CPNE4: variants seen among roughly 807,000 people sequenced by gnomAD.
CPNE4 encodes the protein copine 4, also known as copine-4.
Under a neutral mutation model 67.9 loss-of-function variants are expected in CPNE4, and 25 were observed. The ratio of observed to expected loss-of-function variants is 0.37; its 90% CI spans 0.27 to 0.51. CPNE4 has a LOEUF of 0.51. Among genes scored for constraint, CPNE4 ranks in the 20% least tolerant of loss-of-function variants. The pLI is 0.93. For missense variants in CPNE4, 464 were observed against 690.8 expected (o/e 0.67, Z 3.68); for synonymous variants, 242 against 244.9 (o/e 0.99, Z 0.11).
At chr3:131,754,417 A>G (rs955919950) in intron 2 of CPNE4, among the ~76,000 whole-genome samples, 1 of 152,210 alleles carries the variant, frequency 6.6e-6, no homozygotes, top group African/African-American at 2.4e-5. Context: ...TGACAAGATC[A>G]CAATTATATA....
At position 131,991,580 on chromosome 3, in the gene CPNE4, G is replaced by A. The variant is rs1236856487; in HGVS notation, c.-2+42987C>T. Among the ~76,000 whole-genome samples the A allele has an allele frequency of 2.2e-5, 3 of 136,056 alleles. 1 individual carries two copies. The Admixed American group carries it at 2.5e-4, about 11-fold the overall frequency. The allele number at this position is 136,056 out of a possible 152,430, so 89.3% of individuals were successfully genotyped here. On this transcript the variant is annotated intron_variant, in intron 1 of 15. Coordinates refer to ENST00000429747, the MANE Select transcript of CPNE4 (RefSeq NM_130808.3). ...GTGGCAGAGCATTCAAGAGAAAGCA[G>A]AACATTAAAGTTTGGAAGATTTGCA...
chr3:131,572,548 G>C (rs115338390), intron 10 of CPNE4, among the ~76,000 whole-genome samples: 172 of 152,150 alleles, frequency 1.1e-3, no homozygotes, highest in African/African-American at 4.0e-3. Flanking sequence ...TGGAGAGCTT[G>C]GGTGGTGCAT....
intron 2 of CPNE4, among the ~76,000 whole-genome samples, chr3:131,893,613 G>A (rs1257169033): frequency 6.6e-6 from 1 of 151,864 alleles, no homozygotes; most frequent in Non-Finnish European, 1.5e-5. Flanking sequence ...ATCACATCAA[G>A]TATCCTTTCT....
intron 2 of CPNE4, among the ~76,000 whole-genome samples, chr3:131,858,054 T>C (rs556543830): frequency 1.4e-4 from 21 of 152,254 alleles, no homozygotes; most frequent in African/African-American, 4.6e-4. Flanking sequence ...AGATTTTTTA[T>C]TAATTTAAAA....
chr3:131,587,393 A>T (rs913219587), intron 8 of CPNE4, 91 bp downstream of exon 8: 3 of 800,828 alleles, frequency 3.7e-6, no homozygotes, highest in Non-Finnish European at 6.6e-6. Flanking sequence ...TCATACATTG[A>T]TGTTTTGCCT....
intron 2 of CPNE4, among the ~76,000 whole-genome samples, chr3:131,877,160 A>T (rs1372328745): frequency 6.6e-6 from 1 of 152,170 alleles, no homozygotes; most frequent in African/African-American, 2.4e-5. Context: ...ATATAAGCAG[A>T]AATCAACTGA....
At chr3:131,829,337 C>T (rs1268973931) in intron 2 of CPNE4, among the ~76,000 whole-genome samples, 1 of 152,126 alleles carries the variant, frequency 6.6e-6, no homozygotes, top group South Asian at 2.1e-4. Context: ...TTTTTGAGAA[C>T]TTATATAGAA....
chr3:131,779,362 C>T lies in CPNE4; in HGVS notation c.181-55737G>A, dbSNP rs556734416. The stretch of plus-strand genomic sequence containing the variant: ...AAAATTCATTTGGAACCAAAAAGAA[C>T]CTGAATAGCCAAATCAATCCTAAGC... On this transcript the variant is annotated intron_variant, in intron 2 of 15. Transcript: ENST00000429747. Among the ~76,000 whole-genome samples the T allele has an allele frequency of 1.2e-3, 176 of 152,094 alleles. 3 individuals are homozygous for T. The highest frequency in any genetic ancestry group is 3.4e-3 in the Middle Eastern group (1 of 294).
chr3:132,017,160 T>C lies in CPNE4; in HGVS notation c.-2+17407A>G, dbSNP rs113181116. On this transcript the variant is annotated intron_variant, in intron 1 of 15. Transcript: ENST00000429747. The stretch of plus-strand genomic sequence containing the variant: ...ACACAAGCTAATAAGAAACAGTACA[T>C]GGTAAACAACTGAAAATGTCTGTTG... Among the ~76,000 whole-genome samples, 417 of 152,096 alleles carry C rather than the reference T, an allele frequency of 2.7e-3. 1 individual carries two copies. Among genetic ancestry groups the C allele is most frequent in the Middle Eastern group, 6.8e-3 (2 of 294 alleles).
intron 2 of CPNE4, among the ~76,000 whole-genome samples, chr3:131,885,809 C>A (rs908854123): frequency 4.0e-5 from 6 of 151,856 alleles, no homozygotes; most frequent in African/African-American, 1.5e-4. Context: ...TTTGTTCTTG[C>A]GATAGTTTAC....
intron 7 of CPNE4, among the ~76,000 whole-genome samples, chr3:131,640,382 CAAAT>C (rs2079509855): frequency 6.6e-6 from 1 of 151,766 alleles, no homozygotes; most frequent in Non-Finnish European, 1.5e-5. Flanking sequence ...AGCTGAGAAT[CAAAT>C]AAAGAACTCA....
At chr3:131,840,619 C>G (rs570167169) in intron 2 of CPNE4, among the ~76,000 whole-genome samples, 1 of 152,082 alleles carries the variant, frequency 6.6e-6, no homozygotes, top group Non-Finnish European at 1.5e-5. Context: ...TCTTGGCAGC[C>G]CTTTGAGGAG....
intron 2 of CPNE4, among the ~76,000 whole-genome samples, chr3:131,834,969 C>T (rs767265989): frequency 6.6e-6 from 1 of 152,078 alleles, no homozygotes; most frequent in Non-Finnish European, 1.5e-5. Context: ...TTCTATCTCA[C>T]TAGTAATAAA....
At chr3:131,872,357 G>A (rs902744626) in intron 2 of CPNE4, among the ~76,000 whole-genome samples, 1 of 152,116 alleles carries the variant, frequency 6.6e-6, no homozygotes, top group East Asian at 1.9e-4. Flanking sequence ...TCAGTCTGAC[G>A]ACCAGCTGGT....
intron 1 of CPNE4, among the ~76,000 whole-genome samples, chr3:131,920,621 T>G (rs2070713805): frequency 6.6e-6 from 1 of 151,824 alleles, no homozygotes; most frequent in Admixed American, 6.6e-5. Flanking sequence ...ATAAAAACAT[T>G]TTAAATACAA....
chr3:131,674,642 A>G (rs1056298296), intron 6 of CPNE4, among the ~76,000 whole-genome samples: 1 of 151,678 alleles, frequency 6.6e-6, no homozygotes, highest in Admixed American at 6.6e-5. Flanking sequence ...TGATCCACTA[A>G]TTTTCTGCAG....
intron 9 of CPNE4, among the ~76,000 whole-genome samples, chr3:131,581,269 T>G (rs1234040821): frequency 6.6e-6 from 1 of 152,074 alleles, no homozygotes; most frequent in East Asian, 1.9e-4. Flanking sequence ...CTAGAAATGT[T>G]GGCTTCCCCA....
intron 2 of CPNE4, among the ~76,000 whole-genome samples, chr3:131,843,727 G>T (rs1005261966): frequency 6.6e-6 from 1 of 152,132 alleles, no homozygotes; most frequent in Non-Finnish European, 1.5e-5. Flanking sequence ...CCCTTGCAGG[G>T]TTCCTATGAG....
At chr3:131,623,657 G>T (rs1383074416) in intron 7 of CPNE4, among the ~76,000 whole-genome samples, 1 of 152,208 alleles carries the variant, frequency 6.6e-6, no homozygotes, top group East Asian at 1.9e-4. Flanking sequence ...GTGTGGAGCA[G>T]TGTGATCTGT....
Sources: gnomAD v4.1 joint callset for allele counts (sites outside exome capture counted in the v4.1 genomes callset) on GRCh38, gnomAD v4.1.1 for gene constraint, MANE v1.5 for transcripts, NCBI Gene and HGNC (gene_info 2026-07-23, HGNC 2026-07-21) for gene names.